The following SYN3 variants were observed in gnomAD, a reference collection of about 807,000 sequenced individuals.
SYN3 encodes synapsin-3.
In SYN3, 35 loss-of-function variants were observed where a neutral mutation model predicts 65.8. The ratio of observed to expected loss-of-function variants is 0.53; its 90% CI spans 0.41 to 0.70. SYN3 has a LOEUF of 0.70. Ranked by LOEUF, SYN3 falls within the 30% of genes least tolerant of loss-of-function variation. SYN3 has a pLI of 0.00. For synonymous variants in SYN3, 270 were observed against 292.9 expected (o/e 0.92, Z 0.80); for missense variants, 680 against 749.0 (o/e 0.91, Z 1.08).
chr22:32,968,707 C>T (rs1423385349), intron 3 of SYN3, among the ~76,000 whole-genome samples: 4 of 152,194 alleles, frequency 2.6e-5, no homozygotes, highest in African/African-American at 9.6e-5. Flanking sequence ...TAATTCTTGT[C>T]CCCAAACCCA....
At chr22:33,004,435 A>G (rs540964507) in intron 2 of SYN3, among the ~76,000 whole-genome samples, 1 of 152,386 alleles carries the variant, frequency 6.6e-6, no homozygotes, top group Non-Finnish European at 1.5e-5. Flanking sequence ...GATGTGAGAC[A>G]TGGAGTCAAA....
intron 3 of SYN3, among the ~76,000 whole-genome samples, chr22:32,941,870 TCTAA>T (rs2050949956): frequency 6.6e-6 from 1 of 152,152 alleles, no homozygotes; most frequent in African/African-American, 2.4e-5. Flanking sequence ...CAGTCTGAGA[TCTAA>T]CTGCAAGGCA....
intron 6 of SYN3, among the ~76,000 whole-genome samples, chr22:32,710,936 C>T (rs766988628): frequency 2.0e-5 from 3 of 152,182 alleles, no homozygotes; most frequent in Non-Finnish European, 2.9e-5. Context: ...ACAATTTTCA[C>T]TCCCACCATC....
intron 6 of SYN3, among the ~76,000 whole-genome samples, chr22:32,779,687 C>A (rs1298029670): frequency 1.3e-5 from 2 of 152,138 alleles, no homozygotes; most frequent in Non-Finnish European, 2.9e-5. Context: ...AGCTGGGAAT[C>A]AAACCCAAGC....
chr22:32,762,507 T>A (rs1288486106), intron 6 of SYN3, among the ~76,000 whole-genome samples: 4 of 152,228 alleles, frequency 2.6e-5, no homozygotes, highest in Admixed American at 2.0e-4. Flanking sequence ...AAGGTTGTGG[T>A]GGAAATGGTG....
chr22:32,876,969 C>T (rs747281606), intron 4 of SYN3, among the ~76,000 whole-genome samples: 47 of 152,170 alleles, frequency 3.1e-4, no homozygotes, highest in Non-Finnish European at 4.9e-4. Context: ...GATAAATAGA[C>T]GGTAGGTAGA....
chr22:32,654,096 T>G lies in SYN3; in HGVS notation c.712-57360A>C, dbSNP rs565691107. On this transcript the variant is annotated intron_variant, in intron 6 of 13. Transcript: ENST00000358763. The stretch of plus-strand genomic sequence containing the variant: ...GGGGGCCTGTGGTGCCCAAGGTGTC[T>G]CCAGCCAGGCCTATGCCTGAGAGTT... Among the ~76,000 whole-genome samples the G allele has an allele frequency of 2.6e-5, 4 of 152,328 alleles. No individual in the cohort carries two copies. In the South Asian group the frequency reaches 8.3e-4, roughly 32 times the overall value.
At chr22:32,741,327 C>A (rs551509513) in intron 6 of SYN3, among the ~76,000 whole-genome samples, 49 of 148,776 alleles carry the variant, frequency 3.3e-4, no homozygotes, top group Non-Finnish European at 5.9e-4. Flanking sequence ...CAGACCCAAG[C>A]ATTCTGGCTC....
In SYN3 at chr22:32,885,979, G is replaced by A. The variant is rs559155385; in HGVS notation, c.462-16854C>T. 9.2e-5 allele frequency among the ~76,000 whole-genome samples: 14 copies of A among 152,224 alleles called. No individual in the cohort carries two copies. In the East Asian group the frequency reaches 1.3e-3, roughly 15 times the overall value. The stretch of plus-strand genomic sequence containing the variant: ...GGCCTATGTTTCCTTGAAGCACATG[G>A]CCACCAAACAGCTGAATAAACTCAG... On this transcript the variant is annotated intron_variant, in intron 4 of 13. Transcript: ENST00000358763.
chr22:32,592,896 A>G (rs1226895995), intron 7 of SYN3, among the ~76,000 whole-genome samples: 2 of 152,216 alleles, frequency 1.3e-5, no homozygotes, highest in African/African-American at 4.8e-5. Context: ...CCACAAGTAT[A>G]AAAGAACAAA....
rs948273350 is a variant in SYN3 at position 32,509,315 on chromosome 22, T to C, written c.*4377A>G. ...AGCTTGGAGGGAAAATGCTAGCCTC[T>C]CTCTGGCTCAAAGTTGTGAAACAAA... On this transcript the variant is annotated 3_prime_UTR_variant, in exon 14 of 14. Coordinates refer to ENST00000358763, the MANE Select transcript of SYN3 (RefSeq NM_003490.4). Among the ~76,000 whole-genome samples the C allele has an allele frequency of 2.6e-5, 4 of 152,154 alleles. No individual in the cohort carries two copies. Among genetic ancestry groups the C allele is most frequent in the African/African-American group, 9.7e-5 (4 of 41,426 alleles).
chr22:32,678,165 G>A (rs1303887006), intron 6 of SYN3, among the ~76,000 whole-genome samples: 2 of 152,168 alleles, frequency 1.3e-5, no homozygotes, highest in African/African-American at 4.8e-5. Flanking sequence ...TTCAGGCTGG[G>A]ATTGGGTGTT....
At chr22:32,896,495 A>G (rs752161873) in intron 4 of SYN3, among the ~76,000 whole-genome samples, 14 of 152,308 alleles carry the variant, frequency 9.2e-5, no homozygotes, top group Non-Finnish European at 1.9e-4. Flanking sequence ...GCAGCTCATT[A>G]TCATAAGACA....
chr22:33,000,729 A>T (rs2053036319), intron 2 of SYN3, among the ~76,000 whole-genome samples: 1 of 152,184 alleles, frequency 6.6e-6, no homozygotes, highest in African/African-American at 2.4e-5. Flanking sequence ...GAAAGGGGAA[A>T]GAAGGGGGCC....
chr22:32,644,071 C>T (rs2059946201), intron 6 of SYN3, among the ~76,000 whole-genome samples: 1 of 38,060 alleles, frequency 2.6e-5, no homozygotes, highest in South Asian at 1.1e-3. Flanking sequence ...GAGACTCTGC[C>T]TCAAAAAAAA....
At chr22:32,545,162 G>A (rs2146264070) in intron 7 of SYN3, among the ~76,000 whole-genome samples, 1 of 152,286 alleles carries the variant, frequency 6.6e-6, no homozygotes, top group Non-Finnish European at 1.5e-5. Context: ...TGACAGTGTA[G>A]CTGAGGGCAA....
chr22:32,746,941 C>G (rs2044952048), intron 6 of SYN3, among the ~76,000 whole-genome samples: 1 of 152,134 alleles, frequency 6.6e-6, no homozygotes, highest in Non-Finnish European at 1.5e-5. Flanking sequence ...GTGCTGTGCT[C>G]CAAATGCTTT....
intron 5 of SYN3, among the ~76,000 whole-genome samples, chr22:32,865,628 A>G (rs921348511): frequency 1.4e-4 from 21 of 152,116 alleles, no homozygotes; most frequent in African/African-American, 4.8e-4. Flanking sequence ...AACCCCTCTC[A>G]TTTCCAACAG....
intron 13 of SYN3, among the ~76,000 whole-genome samples, chr22:32,517,824 G>A (rs2057802940): frequency 6.6e-6 from 1 of 152,054 alleles, no homozygotes; most frequent in Non-Finnish European, 1.5e-5. Flanking sequence ...TGGCTGGTAT[G>A]TGTATACACG....
Sources: allele counts gnomAD v4.1 joint callset (sites outside exome capture counted in the v4.1 genomes callset), GRCh38; gene constraint gnomAD v4.1.1; transcripts MANE v1.5; gene names NCBI Gene and HGNC (gene_info 2026-07-23, HGNC 2026-07-21).